Variants in RABGAP1L observed in about 807,000 individuals in gnomAD.
RABGAP1L encodes the protein rab GTPase-activating protein 1-like.
RABGAP1L carries 63 observed loss-of-function variants against 137.7 expected under a neutral mutation model. That is an observed-to-expected ratio of 0.46 (90% CI 0.37 to 0.56). The LOEUF (loss-of-function observed/expected upper bound fraction) is 0.56. Among genes scored for constraint, RABGAP1L ranks in the 20% least tolerant of loss-of-function variants. RABGAP1L has a pLI of 0.00. For missense variants in RABGAP1L, 1,095 were observed against 1,244.0 expected (o/e 0.88, Z 1.80); for synonymous variants, 431 against 433.7 (o/e 0.99, Z 0.08).
chr1:174,597,864 T>C (rs1164777403), intron 13 of RABGAP1L, among the ~76,000 whole-genome samples: 1 of 152,196 alleles, frequency 6.6e-6, no homozygotes, highest in Non-Finnish European at 1.5e-5. Context: ...TTTTAATTTG[T>C]TTTAAGGAAT....
chr1:174,612,442 G>T (rs1216973932), intron 13 of RABGAP1L, among the ~76,000 whole-genome samples: 2 of 152,190 alleles, frequency 1.3e-5, no homozygotes, highest in Non-Finnish European at 2.9e-5. Flanking sequence ...TTGATGTGCT[G>T]CTGGATTCGG....
intron 19 of RABGAP1L, among the ~76,000 whole-genome samples, chr1:174,861,903 G>A (rs567826110): frequency 3.5e-4 from 54 of 152,180 alleles, no homozygotes; most frequent in Non-Finnish European, 5.9e-4. Flanking sequence ...TTTCTAGGTT[G>A]CATTTCCATT....
intron 1 of RABGAP1L, among the ~76,000 whole-genome samples, chr1:174,194,639 G>T (rs975188998): frequency 6.6e-6 from 1 of 152,182 alleles, no homozygotes. Flanking sequence ...CAGGAAAAGT[G>T]CTAAGATTGT....
At chr1:174,551,505 TC>T (rs1246950987) in intron 13 of RABGAP1L, among the ~76,000 whole-genome samples, 1 of 152,048 alleles carries the variant, frequency 6.6e-6, no homozygotes, top group African/African-American at 2.4e-5. Flanking sequence ...TAGTTAAACC[TC>T]CCACATGTGT....
chr1:174,756,689 A>C (rs1684793083), intron 18 of RABGAP1L, among the ~76,000 whole-genome samples: 1 of 152,176 alleles, frequency 6.6e-6, no homozygotes, highest in South Asian at 2.1e-4. Flanking sequence ...AATCCAAAAA[A>C]GTTAAAATGA....
At chr1:174,434,220 A>G (rs1375607689) in intron 13 of RABGAP1L, among the ~76,000 whole-genome samples, 1 of 152,124 alleles carries the variant, frequency 6.6e-6, no homozygotes, top group African/African-American at 2.4e-5. Flanking sequence ...TCAGAACTTC[A>G]TATAAAATCA....
chr1:174,837,836 CA>C (rs1197612230), intron 19 of RABGAP1L, among the ~76,000 whole-genome samples: 1 of 152,096 alleles, frequency 6.6e-6, no homozygotes, highest in Admixed American at 6.5e-5. Context: ...TTGTTATGAG[CA>C]GACCTAAATT....
chr1:174,702,898 T>G (rs1679763201), intron 17 of RABGAP1L, among the ~76,000 whole-genome samples: 1 of 152,110 alleles, frequency 6.6e-6, no homozygotes, highest in African/African-American at 2.4e-5. Context: ...TATATATGGC[T>G]TATATTGGTC....
intron 13 of RABGAP1L, among the ~76,000 whole-genome samples, chr1:174,590,489 A>C (rs1669534493): frequency 1.1e-5 from 1 of 93,180 alleles, no homozygotes; most frequent in African/African-American, 5.4e-5. Context: ...TCCCAATGCT[A>C]TCCCTCCCCC....
chr1:174,421,191 T>C (rs1433587726), intron 13 of RABGAP1L, among the ~76,000 whole-genome samples: 1 of 152,232 alleles, frequency 6.6e-6, no homozygotes, highest in Non-Finnish European at 1.5e-5. Context: ...TTTTTTTATC[T>C]TGAAGGGTAG....
chr1:174,684,037 G>T (rs1250834290), intron 15 of RABGAP1L, among the ~76,000 whole-genome samples: 2 of 152,108 alleles, frequency 1.3e-5, no homozygotes, highest in African/African-American at 4.8e-5. Flanking sequence ...CTAGGAAGTG[G>T]GGTTATAAAG....
At chr1:174,618,833 A>G (rs1672160996) in intron 13 of RABGAP1L, among the ~76,000 whole-genome samples, 1 of 152,210 alleles carries the variant, frequency 6.6e-6, no homozygotes. Flanking sequence ...CAGACGATCA[A>G]GCTACTCCAA....
chr1:174,675,904 ATTC>A (rs1677586923), intron 14 of RABGAP1L, among the ~76,000 whole-genome samples: 1 of 152,120 alleles, frequency 6.6e-6, no homozygotes, highest in Non-Finnish European at 1.5e-5. Context: ...CCAGATTTGT[ATTC>A]TTATTCATAT....
chr1:174,480,129 T>G (rs1558269239), intron 13 of RABGAP1L, among the ~76,000 whole-genome samples: 1 of 152,180 alleles, frequency 6.6e-6, no homozygotes, highest in Non-Finnish European at 1.5e-5. Flanking sequence ...TTAAGATTGA[T>G]TCTTCATCTA....
At chr1:174,640,171 A>G (rs977456643) in intron 14 of RABGAP1L, among the ~76,000 whole-genome samples, 2 of 152,112 alleles carry the variant, frequency 1.3e-5, no homozygotes, top group Admixed American at 6.6e-5. Flanking sequence ...GCAGAGATGT[A>G]TACATCCTAC....
chr1:174,437,076 C>T (rs1375640252), intron 13 of RABGAP1L, among the ~76,000 whole-genome samples: 3 of 152,164 alleles, frequency 2.0e-5, no homozygotes, highest in Non-Finnish European at 4.4e-5. Flanking sequence ...TGTACGTCAC[C>T]ATCATCAAAG....
chr1:174,423,165 A>T (rs1651543414), intron 13 of RABGAP1L, among the ~76,000 whole-genome samples: 1 of 152,186 alleles, frequency 6.6e-6, no homozygotes. Context: ...TGTATGGGTT[A>T]CATAAGTAAT....
intron 13 of RABGAP1L, among the ~76,000 whole-genome samples, chr1:174,562,952 A>G (rs1335455758): frequency 6.6e-6 from 1 of 152,182 alleles, no homozygotes. Flanking sequence ...GTGTATACCT[A>G]TGTAACAAAA....
chr1:174,319,278 G>A (rs1679717450), intron 11 of RABGAP1L, among the ~76,000 whole-genome samples: 1 of 151,836 alleles, frequency 6.6e-6, no homozygotes, highest in African/African-American at 2.4e-5. Flanking sequence ...TTAATTTTAA[G>A]TACTTCTTGT....
Sources: allele counts gnomAD v4.1 joint callset (sites outside exome capture counted in the v4.1 genomes callset), GRCh38; gene constraint gnomAD v4.1.1; transcripts MANE v1.5; gene names NCBI Gene and HGNC (gene_info 2026-07-23, HGNC 2026-07-21).